The following DOT1L variants were observed in gnomAD, a reference collection of about 807,000 sequenced individuals.
DOT1L encodes the protein histone-lysine N-methyltransferase, H3 lysine-79 specific.
A neutral mutation model predicts 153.3 loss-of-function variants in DOT1L; 33 were observed. That is an observed-to-expected ratio of 0.22 (90% CI 0.16 to 0.29). The LOEUF (loss-of-function observed/expected upper bound fraction) is 0.29, where lower values mean the gene tolerates loss of function less well. Among genes scored for constraint, DOT1L ranks in the 10% least tolerant of loss-of-function variants. DOT1L has a pLI of 1.00. For missense variants in DOT1L, 1,847 were observed against 2,119.9 expected (o/e 0.87, Z 2.53); for synonymous variants, 1,135 against 965.1 (o/e 1.18, Z -3.26).
chr19:2,216,864 A>G, intron 20 of DOT1L, 91 bp from the exon 21 acceptor site: 2 of 1,557,726 alleles, frequency 1.3e-6, no homozygotes, highest in East Asian at 4.5e-5. Flanking sequence ...GTGTTTGTTG[A>G]GGAGACTGAG....
chr19:2,227,167 C>T, intron 27 of DOT1L, 40 bp downstream of exon 27: 1 of 1,576,098 alleles, frequency 6.3e-7, no homozygotes. Flanking sequence ...CGCCCCGGCC[C>T]CCGCCGGAGG....
rs577294761 is a variant in DOT1L at position 2,179,400 on chromosome 19, C to T, written c.82-1313C>T. Among the ~76,000 whole-genome samples, 7 of 152,218 alleles carry T rather than the reference C, an allele frequency of 4.6e-5. No individual in the cohort carries two copies. In the South Asian group the frequency reaches 6.2e-4, roughly 14 times the overall value. ...CGCTGAGGCTGCACGGCTGCCTGGG[C>T]GGCCTCTGACGCGCCCTGTGGACTG... On this transcript the variant is annotated intron_variant, in intron 1 of 27. Coordinates refer to ENST00000398665, the MANE Select transcript of DOT1L (RefSeq NM_032482.3).
At chr19:2,169,326 A>G (rs1333004152) in intron 1 of DOT1L, among the ~76,000 whole-genome samples, 3 of 152,152 alleles carry the variant, frequency 2.0e-5, no homozygotes, top group African/African-American at 7.2e-5. Flanking sequence ...TGTGTGAGTA[A>G]AGGAGTCGCT....
chr19:2,189,454 G>A (rs74488798), intron 3 of DOT1L, among the ~76,000 whole-genome samples: 3 of 152,224 alleles, frequency 2.0e-5, no homozygotes, highest in East Asian at 1.9e-4. Flanking sequence ...CGTGGACCTC[G>A]GCTTTGCGCG....
At chr19:2,213,498 C>T (rs370644044) in intron 16 of DOT1L, 41 bp from the exon 17 acceptor site, 1 of 1,600,700 alleles carries the variant, frequency 6.2e-7, no homozygotes, top group Admixed American at 1.7e-5. Flanking sequence ...CCCTCAGTCA[C>T]CTGCCCTGGC....
At chr19:2,215,882 C>A in intron 19 of DOT1L, 1 of 174,130 alleles carries the variant, frequency 5.7e-6, no homozygotes. Flanking sequence ...GTAAACAGAA[C>A]AGATAAACTA....
intron 5 of DOT1L, among the ~76,000 whole-genome samples, chr19:2,192,022 C>T (rs1420229682): frequency 6.6e-6 from 1 of 152,186 alleles, no homozygotes; most frequent in East Asian, 1.9e-4. Context: ...CTGACGGGGC[C>T]ACCCAAGGGT....
intron 18 of DOT1L, 134 bp downstream of exon 18, chr19:2,214,120 A>G (rs1407259991): frequency 2.9e-6 from 4 of 1,389,202 alleles, no homozygotes; most frequent in Non-Finnish European, 2.9e-6. Flanking sequence ...GAATTGCGCC[A>G]CCTGTGAAAG....
At chr19:2,192,672 C>CAAAAA (rs71176526) in intron 5 of DOT1L, among the ~76,000 whole-genome samples, 2 of 95,112 alleles carry the variant, frequency 2.1e-5, no homozygotes, top group African/African-American at 8.2e-5. Flanking sequence ...GACTCCGTCT[C>CAAAAA]AAAAAAAAAA....
In DOT1L at chr19:2,226,483, G is replaced by A. The variant is rs2144931950; in HGVS notation, c.3962G>A (p.Gly1321Asp). 1 of 1,600,938 alleles carries A rather than the reference G, an allele frequency of 6.2e-7. No individual in the cohort carries two copies. The highest frequency in any genetic ancestry group is 8.5e-7 in the Non-Finnish European group (1 of 1,179,670). ...GCCAACGGCTGCACCTTCGGCGGGG[G>A]CCTGGCCGCGGACCTGAGTTTACAC... ...NPANGCTFGG[G>D]LAADLSLHSF... Residue 1321 changes from glycine (G) to aspartate (D), a missense_variant, in exon 27 of 28, where the codon GGC (glycine) becomes GAC (aspartate). Physicochemically the swap from Gly to Asp is moderately conservative, Grantham distance 94 (BLOSUM62 -1). This residue lies in a region of DOT1L where 934 missense variants were observed against 825.3 expected (regional missense o/e 1.13). Transcript: ENST00000398665.
chr19:2,189,656 A>G, intron 3 of DOT1L, 76 bp from the exon 4 acceptor site: 1 of 1,549,312 alleles, frequency 6.5e-7, no homozygotes, highest in East Asian at 2.3e-5. Flanking sequence ...AGCCTGCCTT[A>G]TCCACATGCT....
intron 27 of DOT1L, chr19:2,227,642 G>A (rs539089657): frequency 4.0e-6 from 5 of 1,239,514 alleles, no homozygotes; most frequent in East Asian, 6.9e-5. Context: ...TGGCGGCGCC[G>A]TTTCGCTTCC....
chr19:2,174,542 T>C lies in DOT1L; in HGVS notation c.82-6171T>C, dbSNP rs577263188. 3.5e-3 allele frequency among the ~76,000 whole-genome samples: 519 copies of C among 150,412 alleles called. 8 individuals are homozygous for C. The highest frequency in any genetic ancestry group is 0.012 in the African/African-American group (483 of 39,818). Reference sequence around the variant, plus strand: ...TCTCTGTTAAAAATACAAAATTAGCTGGGTGTGGTGGCGCACGCCTGTAAT... The same window carrying C: ...TCTCTGTTAAAAATACAAAATTAGCCGGGTGTGGTGGCGCACGCCTGTAAT... On this transcript the variant is annotated intron_variant, in intron 1 of 27. Transcript: ENST00000398665.
intron 19 of DOT1L, 144 bp from the exon 20 acceptor site, chr19:2,216,137 T>C: frequency 1.6e-6 from 2 of 1,255,452 alleles, no homozygotes; most frequent in South Asian, 1.5e-5. Flanking sequence ...ACCCCGCCTC[T>C]ATGTGGTCGG....
chr19:2,207,486 GT>G lies in DOT1L; in HGVS notation c.857-87del. The G allele has an allele frequency of 8.8e-7, 1 of 1,135,440 alleles. No individual in the cohort carries two copies. The highest frequency in any genetic ancestry group is 2.4e-5 in the East Asian group (1 of 41,952). The allele number at this position is 1,135,440 out of a possible 1,614,324, so 70.3% of individuals were successfully genotyped here. A position where few individuals can be genotyped will look rare whatever the true frequency, so the allele number is the denominator to read the frequency against. On this transcript the variant is annotated intron_variant, in intron 10 of 27. Transcript: ENST00000398665. The surrounding 1 kb of genome is among the most constrained non-coding windows in gnomAD (Gnocchi z 4.5). Reference sequence around the variant, plus strand: ...GGGAAGACGCGCAGCTCAGGCTTCTGTCCCCACGCCTGCCCTGGGGTGGGTG... The same window carrying G: ...GGGAAGACGCGCAGCTCAGGCTTCTGCCCCACGCCTGCCCTGGGGTGGGTG...
chr19:2,169,715 G>T (rs558597023), intron 1 of DOT1L, among the ~76,000 whole-genome samples: 1 of 152,298 alleles, frequency 6.6e-6, no homozygotes, highest in Non-Finnish European at 1.5e-5. Flanking sequence ...TGTATATTTG[G>T]GGTAATTCGA....
Position 2,200,030 on chromosome 19 carries a change from G to C in DOT1L, c.707+91G>C, listed in dbSNP as rs533525247. ...CACCGGGGACCGGGAGCGGCCCCTCGCTCCTGTGCTGGCTGTGGCAGGAAA... is the reference window on the plus strand; with the variant it reads ...CACCGGGGACCGGGAGCGGCCCCTCCCTCCTGTGCTGGCTGTGGCAGGAAA... On this transcript the variant is annotated intron_variant, in intron 8 of 27. Transcript: ENST00000398665. 8.6e-6 allele frequency: 13 copies of C among 1,503,220 alleles called. No individual in the cohort carries two copies. In the African/African-American group the frequency reaches 1.4e-4, roughly 16 times the overall value. The allele number at this position is 1,503,220 out of a possible 1,614,324, so 93.1% of individuals were successfully genotyped here. A position where few individuals can be genotyped will look rare whatever the true frequency, so the allele number is the denominator to read the frequency against.
intron 27 of DOT1L, chr19:2,228,194 C>T (rs1263369988): frequency 7.3e-7 from 1 of 1,365,068 alleles, no homozygotes. Flanking sequence ...GCCCCTCCTT[C>T]ACGGTGCACC....
chr19:2,173,672 T>C (rs2021766373), intron 1 of DOT1L, among the ~76,000 whole-genome samples: 1 of 152,160 alleles, frequency 6.6e-6, no homozygotes, highest in African/African-American at 2.4e-5. Context: ...CGGGCACGGG[T>C]TCTGCGGGCT....
Sources: gnomAD v4.1 joint callset for allele counts (sites outside exome capture counted in the v4.1 genomes callset) on GRCh38, gnomAD v4.1.1 for gene constraint, gnomAD v4.1.1 regional missense constraint, Gnocchi (gnomAD v3.1) non-coding constraint, MANE v1.5 for transcripts, NCBI Gene and HGNC (gene_info 2026-07-23, HGNC 2026-07-21) for gene names.